Variants in LMNTD1 observed in about 807,000 individuals in gnomAD.
LMNTD1 encodes lamin tail domain-containing protein 1.
Under a neutral mutation model 50.9 loss-of-function variants are expected in LMNTD1, and 35 were observed. The observed-to-expected ratio is 0.69, with a 90% CI of 0.53 to 0.91. The LOEUF is 0.91. LMNTD1 is among the 40% of genes least tolerant of loss of function. LMNTD1 has a pLI of 0.00. For synonymous variants in LMNTD1, 153 were observed against 161.9 expected (o/e 0.94, Z 0.42); for missense variants, 470 against 475.5 (o/e 0.99, Z 0.11).
intron 1 of LMNTD1, among the ~76,000 whole-genome samples, chr12:25,573,210 T>G (rs1336709210): frequency 6.6e-6 from 1 of 152,158 alleles, no homozygotes; most frequent in East Asian, 1.9e-4. Flanking sequence ...TTTTCTTATC[T>G]TCAACCATTA....
chr12:25,572,861 C>T (rs1232054366), intron 1 of LMNTD1, among the ~76,000 whole-genome samples: 1 of 137,896 alleles, frequency 7.3e-6, no homozygotes, highest in Non-Finnish European at 1.6e-5. Flanking sequence ...AACAGCTATA[C>T]TGCTTTATTT....
rs547285741 is a variant in LMNTD1 at position 25,545,032 on chromosome 12, GT to G, written c.491+1341del. On this transcript the variant is annotated intron_variant, in intron 4 of 9. Transcript: ENST00000458174. ...TTGTATACCACAATTACAATTCTGGGTTTTTCCATGTACTTAATTTTACCAG... is the reference window on the plus strand; with the variant it reads ...TTGTATACCACAATTACAATTCTGGGTTTTCCATGTACTTAATTTTACCAG... Among the ~76,000 whole-genome samples the G allele has an allele frequency of 6.2e-3, 944 of 151,806 alleles. 9 individuals carry two copies. The highest frequency in any genetic ancestry group is 0.021 in the African/African-American group (887 of 41,496).
chr12:25,611,645 G>A (rs1335596768), intron 1 of LMNTD1, among the ~76,000 whole-genome samples: 3 of 152,198 alleles, frequency 2.0e-5, no homozygotes, highest in Admixed American at 6.5e-5. Context: ...ATATGATTGA[G>A]AAGTAAAGGA....
chr12:25,512,403 G>A (rs536409243), intron 8 of LMNTD1, among the ~76,000 whole-genome samples: 10 of 152,242 alleles, frequency 6.6e-5, no homozygotes, highest in Admixed American at 2.6e-4. Flanking sequence ...TCTAGGAGAC[G>A]TTTGACATGT....
chr12:25,591,592 C>T (rs1096021), intron 1 of LMNTD1, among the ~76,000 whole-genome samples: 16,756 of 152,136 alleles, frequency 0.11, 1,204 homozygotes, highest in African/African-American at 0.2. Context: ...GAACTTGTCA[C>T]CCTGAAGGGA....
Position 25,540,939 on chromosome 12 carries a change from A to G in LMNTD1, c.491+5435T>C, listed in dbSNP as rs181636986. ...CATTCCTATACACCAACAACAGACAAACGGAGAACCAAACCATGAGTGAAC... is the reference window on the plus strand; with the variant it reads ...CATTCCTATACACCAACAACAGACAGACGGAGAACCAAACCATGAGTGAAC... On this transcript the variant is annotated intron_variant, in intron 4 of 9. Coordinates refer to ENST00000458174, the MANE Select transcript of LMNTD1 (RefSeq NM_001145728.2). Among the ~76,000 whole-genome samples, 742 of 137,670 alleles carry G rather than the reference A, an allele frequency of 5.4e-3. 5 individuals are homozygous for G. Among genetic ancestry groups the G allele is most frequent in the Middle Eastern group, 0.031 (9 of 288 alleles). 90.3% of individuals were successfully genotyped at this position (137,670 alleles called of 152,430 possible). A position where few individuals can be genotyped will look rare whatever the true frequency, so the allele number is the denominator to read the frequency against.
intron 1 of LMNTD1, among the ~76,000 whole-genome samples, chr12:25,619,467 A>G (rs1043894161): frequency 2.6e-5 from 4 of 152,092 alleles, no homozygotes; most frequent in Non-Finnish European, 5.9e-5. Flanking sequence ...ACAAACTTCA[A>G]TTTCTAAGTT....
chr12:25,598,815 CCT>C (rs1945900522), intron 1 of LMNTD1, among the ~76,000 whole-genome samples: 1 of 151,874 alleles, frequency 6.6e-6, no homozygotes, highest in Non-Finnish European at 1.5e-5. Flanking sequence ...AAATCCAAAA[CCT>C]GAACAGACCA....
Position 25,552,978 on chromosome 12 carries a change from CTCTTT to C in LMNTD1, c.-24_-20del, listed in dbSNP as rs1172637443. 6.2e-7 allele frequency: 1 copy of C among 1,605,452 alleles called. No homozygotes were observed. Among genetic ancestry groups the C allele is most frequent in the Non-Finnish European group, 8.5e-7 (1 of 1,174,416 alleles). On this transcript the variant is annotated 5_prime_UTR_variant, in exon 2 of 10. An upstream open reading frame in the 5' UTR loses its in-frame stop. Transcript: ENST00000458174. Reference sequence around the variant, plus strand: ...CTTTCATCTTGGCTAGAAAAGAAGTCTCTTTTCTTTCCTAGGAAAGCAGATCATGA... The same window carrying C: ...CTTTCATCTTGGCTAGAAAAGAAGTCTCTTTCCTAGGAAAGCAGATCATGA...
At chr12:25,574,597 C>A (rs1050840458) in intron 1 of LMNTD1, among the ~76,000 whole-genome samples, 2 of 152,128 alleles carry the variant, frequency 1.3e-5, no homozygotes, top group Admixed American at 6.6e-5. Context: ...TTCTGATTCT[C>A]CCCAAACTAG....
intron 1 of LMNTD1, among the ~76,000 whole-genome samples, chr12:25,566,704 TA>T (rs1285265882): frequency 6.6e-6 from 1 of 152,220 alleles, no homozygotes; most frequent in African/African-American, 2.4e-5. Context: ...TAACCATGCA[TA>T]TAACAAATTT....
intron 9 of LMNTD1, among the ~76,000 whole-genome samples, chr12:25,493,912 TG>T (rs1379016584): frequency 6.6e-6 from 1 of 152,112 alleles, no homozygotes; most frequent in Non-Finnish European, 1.5e-5. Flanking sequence ...CACTCACCCT[TG>T]GAACTTAGGG....
chr12:25,596,750 A>G (rs924064441), intron 1 of LMNTD1, among the ~76,000 whole-genome samples: 2 of 152,132 alleles, frequency 1.3e-5, no homozygotes, highest in African/African-American at 4.8e-5. Flanking sequence ...AATAGCAAAT[A>G]TACAGAAAAA....
intron 4 of LMNTD1, among the ~76,000 whole-genome samples, chr12:25,538,759 A>G (rs917407842): frequency 9.6e-6 from 1 of 103,758 alleles, no homozygotes; most frequent in African/African-American, 3.3e-5. Context: ...AAATGCCCCA[A>G]TTAAAAGACA....
chr12:25,532,633 A>G (rs1189220334), intron 4 of LMNTD1, among the ~76,000 whole-genome samples: 1 of 152,178 alleles, frequency 6.6e-6, no homozygotes, highest in African/African-American at 2.4e-5. Context: ...ATACATTATC[A>G]AATTCCCTTC....
chr12:25,613,044 T>C (rs149309254), intron 1 of LMNTD1, among the ~76,000 whole-genome samples: 1 of 152,190 alleles, frequency 6.6e-6, no homozygotes, highest in African/African-American at 2.4e-5. Flanking sequence ...GATTCCAGAA[T>C]ATAGGAGAAT....
intron 1 of LMNTD1, among the ~76,000 whole-genome samples, chr12:25,638,321 C>T (rs1262087373): frequency 6.6e-6 from 1 of 151,882 alleles, no homozygotes; most frequent in Admixed American, 6.6e-5. Context: ...CAATATCAGA[C>T]CAGAAGTTCT....
At chr12:25,610,946 C>T (rs1031312504) in intron 1 of LMNTD1, among the ~76,000 whole-genome samples, 2 of 152,174 alleles carry the variant, frequency 1.3e-5, no homozygotes, top group Non-Finnish European at 2.9e-5. Flanking sequence ...TCAACAGTCA[C>T]AACTGTGGGG....
Position 25,520,054 on chromosome 12 carries a change from TA to T in LMNTD1, c.819del (p.Ile274SerfsTer10), listed in dbSNP as rs746074191. The T allele has an allele frequency of 1.6e-5, 25 of 1,611,352 alleles. No homozygotes were observed. The highest frequency in any genetic ancestry group is 1.7e-5 in the Admixed American group (1 of 59,774). On this transcript the variant is annotated frameshift_variant, in exon 7 of 10. Transcript: ENST00000458174. LOFTEE classifies it high-confidence loss of function. ...TTTTCCCACGCTTGCTTCCAGTGGA[TA>T]GGGGTGTACCACGCAATGGCCTAAT... The part of the protein sequence containing the change: ...PNGQAIAWYT[P>X]IHWKQAWEKL...
Sources: allele counts gnomAD v4.1 joint callset (sites outside exome capture counted in the v4.1 genomes callset), GRCh38; gene constraint gnomAD v4.1.1; transcripts MANE v1.5; gene names NCBI Gene and HGNC (gene_info 2026-07-23, HGNC 2026-07-21).